The following EYS variants were observed in gnomAD, a reference collection of about 807,000 sequenced individuals.
The protein encoded by EYS is EGF-like photoreceptor maintenance factor.
In EYS, 250 loss-of-function variants were observed where a neutral mutation model predicts 282.1. That is an observed-to-expected ratio of 0.89 (90% CI 0.80 to 0.98). The LOEUF is 0.98. Ranked by LOEUF, EYS falls within the 50% of genes least tolerant of loss-of-function variation. The pLI, the probability that EYS is intolerant of heterozygous loss-of-function variation, is 0.00. For missense variants in EYS, 4,016 were observed against 3,709.0 expected (o/e 1.08, Z -2.15); for synonymous variants, 1,355 against 1,282.9 (o/e 1.06, Z -1.20).
chr6:65,677,105 GAA>G (rs58880200), intron 1 of EYS, among the ~76,000 whole-genome samples: 38,858 of 107,674 alleles, frequency 0.36, 6,794 homozygotes, highest in Non-Finnish European at 0.47. Context: ...AGTCATTGGT[GAA>G]AAAAAAAAAA....
intron 12 of EYS, among the ~76,000 whole-genome samples, chr6:65,198,697 T>C (rs1765828427): frequency 6.6e-6 from 1 of 152,152 alleles, no homozygotes; most frequent in Non-Finnish European, 1.5e-5. Context: ...TGTATTTCGA[T>C]TGACTACTCT....
chr6:64,736,242 A>G (rs187696349), intron 22 of EYS, among the ~76,000 whole-genome samples: 1 of 152,126 alleles, frequency 6.6e-6, no homozygotes, highest in Non-Finnish European at 1.5e-5. Flanking sequence ...AGAAACTTCT[A>G]TGAATATTAC....
intron 30 of EYS, among the ~76,000 whole-genome samples, chr6:64,236,220 G>A (rs755110765): frequency 6.6e-5 from 10 of 152,102 alleles, no homozygotes; most frequent in Non-Finnish European, 8.8e-5. Flanking sequence ...TGCTCCATCC[G>A]CCTTGGCCTC....
At chr6:64,372,664 CT>C (rs1300423775) in intron 29 of EYS, among the ~76,000 whole-genome samples, 1 of 152,152 alleles carries the variant, frequency 6.6e-6, no homozygotes, top group African/African-American at 2.4e-5. Flanking sequence ...TTTTAACCCT[CT>C]TTTGCAGGGA....
At chr6:64,385,232 G>C (rs1010116334) in intron 29 of EYS, among the ~76,000 whole-genome samples, 2 of 152,146 alleles carry the variant, frequency 1.3e-5, no homozygotes, top group South Asian at 4.2e-4. Flanking sequence ...TTCTCTTTAA[G>C]AATTATCATC....
At chr6:64,798,245 C>T (rs1227058782) in intron 22 of EYS, among the ~76,000 whole-genome samples, 3 of 151,706 alleles carry the variant, frequency 2.0e-5, no homozygotes, top group Non-Finnish European at 4.4e-5. Flanking sequence ...ACTCATATCT[C>T]CCTCAAGATT....
At chr6:65,452,700 T>G (rs1030361110) in intron 5 of EYS, among the ~76,000 whole-genome samples, 1 of 152,072 alleles carries the variant, frequency 6.6e-6, no homozygotes, top group African/African-American at 2.4e-5. Flanking sequence ...TTCTGTGCAT[T>G]ATTCCAGCCT....
intron 26 of EYS, among the ~76,000 whole-genome samples, chr6:64,544,882 G>C (rs1334594876): frequency 6.6e-6 from 1 of 152,014 alleles, no homozygotes; most frequent in Non-Finnish European, 1.5e-5. Context: ...ATAATTAATA[G>C]CTTACCAAGA....
chr6:64,721,935 CCCAGT>C (rs1771595674), intron 22 of EYS, among the ~76,000 whole-genome samples: 1 of 152,084 alleles, frequency 6.6e-6, no homozygotes, highest in South Asian at 2.1e-4. Context: ...GAGTCTAACA[CCCAGT>C]AAATGCAGTC....
intron 13 of EYS, among the ~76,000 whole-genome samples, chr6:65,040,448 G>C (rs907924701): frequency 1.3e-5 from 2 of 151,654 alleles, no homozygotes; most frequent in African/African-American, 4.8e-5. Context: ...AAGGACATCA[G>C]TCATATTAGA....
chr6:64,094,823 C>T (rs1772525331), intron 31 of EYS, among the ~76,000 whole-genome samples: 1 of 152,130 alleles, frequency 6.6e-6, no homozygotes, highest in Non-Finnish European at 1.5e-5. Flanking sequence ...TCTTGCTTCT[C>T]TAGTTCTTGT....
At chr6:64,266,330 A>T (rs1312547410) in intron 30 of EYS, among the ~76,000 whole-genome samples, 1 of 152,040 alleles carries the variant, frequency 6.6e-6, no homozygotes, top group Non-Finnish European at 1.5e-5. Context: ...TTTGAGTGAG[A>T]GGTTAGTGAA....
At chr6:65,376,113 G>C (rs780437406) in intron 8 of EYS, among the ~76,000 whole-genome samples, 7 of 152,078 alleles carry the variant, frequency 4.6e-5, no homozygotes, top group Non-Finnish European at 1.0e-4. Flanking sequence ...AAAATGTTAA[G>C]GGCAGCCAGA....
At chr6:63,925,348 C>G (rs956493963) in intron 35 of EYS, among the ~76,000 whole-genome samples, 30 of 152,148 alleles carry the variant, frequency 2.0e-4, no homozygotes, top group African/African-American at 7.0e-4. Context: ...GGAAGTACTA[C>G]AGAAAATGAG....
intron 16 of EYS, among the ~76,000 whole-genome samples, chr6:64,904,731 G>A (rs1767770751): frequency 1.3e-5 from 2 of 152,140 alleles, no homozygotes; most frequent in Non-Finnish European, 2.9e-5. Context: ...AAGCACCAGT[G>A]AGCCTCCATG....
chr6:64,202,632 C>A (rs553007106), intron 31 of EYS, among the ~76,000 whole-genome samples: 3 of 152,202 alleles, frequency 2.0e-5, no homozygotes, highest in African/African-American at 7.2e-5. Flanking sequence ...ATATATCTAC[C>A]TGGAACCAGA....
chr6:64,823,635 T>C (rs1304094420), intron 19 of EYS, among the ~76,000 whole-genome samples: 1 of 151,984 alleles, frequency 6.6e-6, no homozygotes, highest in Non-Finnish European at 1.5e-5. Flanking sequence ...CCTTAAGGCT[T>C]CCTGCACATT....
chr6:64,846,353 G>A (rs570636604), intron 19 of EYS, among the ~76,000 whole-genome samples: 303 of 152,154 alleles, frequency 2.0e-3, no homozygotes, highest in East Asian at 2.3e-3. Flanking sequence ...TACTGTTCAC[G>A]TTCTCAAGAC....
chr6:64,000,182 T>TAG (rs1405238270), intron 33 of EYS, among the ~76,000 whole-genome samples: 1 of 83,642 alleles, frequency 1.2e-5, no homozygotes, highest in African/African-American at 5.5e-5. Context: ...TTTTTTTTTT[T>TAG]TTTTTTTTTT....
Sources: allele counts gnomAD v4.1 joint callset (sites outside exome capture counted in the v4.1 genomes callset), GRCh38; gene constraint gnomAD v4.1.1; transcripts MANE v1.5; gene names NCBI Gene and HGNC (gene_info 2026-07-23, HGNC 2026-07-21).